The following OTOGL variants were observed in gnomAD, a reference collection of about 807,000 sequenced individuals.
The protein encoded by OTOGL is otogelin-like protein.
Under a neutral mutation model 318.5 loss-of-function variants are expected in OTOGL, and 285 were observed. The ratio of observed to expected loss-of-function variants is 0.89; its 90% CI spans 0.81 to 0.99. OTOGL has a LOEUF of 0.99. OTOGL is among the 50% of genes least tolerant of loss of function. OTOGL has a pLI of 0.00. For synonymous variants in OTOGL, 987 were observed against 936.5 expected, an observed-to-expected ratio of 1.05 and a Z score of -0.99; for missense variants, 2,899 against 2,845.6, an observed-to-expected ratio of 1.02 and a Z score of -0.43.
At position 80,233,429 on chromosome 12, in the gene OTOGL, A is replaced by G. The variant is rs141104968; in HGVS notation, c.817+332A>G. Among the ~76,000 whole-genome samples, 168 of 152,344 alleles carry G rather than the reference A, an allele frequency of 1.1e-3. 1 individual carries two copies. Among genetic ancestry groups the G allele is most frequent in the Non-Finnish European group, 1.4e-3 (95 of 68,026 alleles). On this transcript the variant is annotated intron_variant, in intron 9 of 58. Coordinates refer to ENST00000547103, the MANE Select transcript of OTOGL (RefSeq NM_001378609.3). ...TACATCAGTGAACAAAGCCTTTCAC[A>G]TCTTCAAGTTTATATTCTAGTGGTT...
At chr12:80,231,543 G>C (rs1267844229) in intron 8 of OTOGL, among the ~76,000 whole-genome samples, 1 of 152,062 alleles carries the variant, frequency 6.6e-6, no homozygotes, top group African/African-American at 2.4e-5. Flanking sequence ...CAATTTTTGA[G>C]AGAAATGTAT....
At chr12:80,348,345 C>T (rs1249116141) in intron 44 of OTOGL, among the ~76,000 whole-genome samples, 1 of 152,156 alleles carries the variant, frequency 6.6e-6, no homozygotes, top group Admixed American at 6.6e-5. Flanking sequence ...ATATGGCTAG[C>T]CAGTTTTCCC....
chr12:80,171,277 A>G (rs1874189402), intron 1 of OTOGL, among the ~76,000 whole-genome samples: 1 of 151,986 alleles, frequency 6.6e-6, no homozygotes, highest in Non-Finnish European at 1.5e-5. Flanking sequence ...ATGGAGTCTC[A>G]CTATGTTGCC....
chr12:80,319,000 A>T (rs796226075), intron 33 of OTOGL, among the ~76,000 whole-genome samples: 22 of 152,262 alleles, frequency 1.4e-4, no homozygotes, highest in African/African-American at 4.8e-4. Flanking sequence ...CACAGAACTT[A>T]ATTTGATGTT....
rs1891357135 is a variant in OTOGL, at chr12:80,379,589, A to AT, written c.*1541_*1542insT. On this transcript the variant is annotated 3_prime_UTR_variant, in exon 59 of 59. Transcript: ENST00000547103. Reference sequence around the variant, plus strand: ...GATTCCTATTAACATATAGATATATAAAATTAAATGTTTTTGGTTAAAATA... The same window carrying AT: ...GATTCCTATTAACATATAGATATATATAAATTAAATGTTTTTGGTTAAAATA... 4 of 149,878 alleles carry AT rather than the reference A, an allele frequency of 2.7e-5. No homozygotes were observed. The highest frequency in any genetic ancestry group is 3.0e-5 in the Non-Finnish European group (2 of 67,336). The allele number at this position is 149,878 out of a possible 1,614,324, so 9.3% of individuals were successfully genotyped here. A position where few individuals can be genotyped will look rare whatever the true frequency, so the allele number is the denominator to read the frequency against.
rs550239753 is a variant in OTOGL, at chr12:80,278,415, G to A, written c.2789+140G>A. ...AATAATTTAAAGGCCTGCAGGAGTT[G>A]GTGGACAGTTACTATCTGCAGGGGA... is the stretch of plus-strand genomic sequence containing the variant. On this transcript the variant is annotated intron_variant, in intron 25 of 58. Coordinates refer to ENST00000547103, the MANE Select transcript of OTOGL (RefSeq NM_001378609.3). 5 of 651,578 alleles carry A rather than the reference G, an allele frequency of 7.7e-6. No homozygotes were observed. In the South Asian group the frequency reaches 1.0e-4, roughly 14 times the overall value. 40.4% of individuals were successfully genotyped at this position (651,578 alleles called of 1,614,324 possible).
At chr12:80,296,623 A>C (rs1036090595) in intron 26 of OTOGL, among the ~76,000 whole-genome samples, 1 of 152,196 alleles carries the variant, frequency 6.6e-6, no homozygotes, top group Admixed American at 6.5e-5. Context: ...CAGATATTAT[A>C]GGTGTTTAAA....
intron 29 of OTOGL, among the ~76,000 whole-genome samples, chr12:80,308,647 A>G (rs1211891127): frequency 1.3e-5 from 2 of 152,154 alleles, no homozygotes; most frequent in African/African-American, 4.8e-5. Flanking sequence ...GCGAGCCGAG[A>G]TCAGGCCACT....
chr12:80,181,871 T>C (rs985415864), intron 1 of OTOGL, among the ~76,000 whole-genome samples: 14 of 152,138 alleles, frequency 9.2e-5, no homozygotes, highest in Non-Finnish European at 1.5e-4. Context: ...TTGAGACATA[T>C]ACTTTACATA....
chr12:80,306,811 TATTATTA>T, intron 29 of OTOGL, among the ~76,000 whole-genome samples: 1 of 149,002 alleles, frequency 6.7e-6, no homozygotes, highest in African/African-American at 2.5e-5. Flanking sequence ...TTATTATTAT[TATTATTA>T]TTTTTTAATT....
At position 80,256,471 on chromosome 12, in the gene OTOGL, G is replaced by A. The variant is rs111256101; in HGVS notation, c.1711+11G>A. On this transcript the variant is annotated intron_variant, in intron 17 of 58. Transcript: ENST00000547103. ...GCTTCAACCTGAATGGTAAGAAACA[G>A]TGCTAATGGTGTACTTTCTTTACAT... 4.5e-4 allele frequency: 703 copies of A among 1,564,716 alleles called. 6 individuals are homozygous for A. The African/African-American group carries it at 8.2e-3, about 18-fold the overall frequency.
At chr12:80,268,901 CA>C (rs5799460) in intron 22 of OTOGL, among the ~76,000 whole-genome samples, 9,019 of 77,732 alleles carry the variant, frequency 0.12, 809 homozygotes, top group African/African-American at 0.32. Context: ...GTAAACTTAG[CA>C]AAAAAAAAAA....
At chr12:80,182,036 A>G (rs1158057957) in intron 1 of OTOGL, among the ~76,000 whole-genome samples, 1 of 152,060 alleles carries the variant, frequency 6.6e-6, no homozygotes, top group African/African-American at 2.4e-5. Context: ...GTGTGGTGGC[A>G]TAGACCTGTA....
intron 1 of OTOGL, among the ~76,000 whole-genome samples, chr12:80,181,215 A>C (rs1200437896): frequency 6.6e-6 from 1 of 152,056 alleles, no homozygotes; most frequent in Non-Finnish European, 1.5e-5. Flanking sequence ...TATTTATTGT[A>C]TAAATTATTT....
At chr12:80,148,885 G>T (rs1872581928) in intron 1 of OTOGL, among the ~76,000 whole-genome samples, 1 of 152,118 alleles carries the variant, frequency 6.6e-6, no homozygotes, top group African/African-American at 2.4e-5. Context: ...TAGTTCTCGA[G>T]CCTTGGTTTT....
At chr12:80,235,756 G>A (rs1286973926) in intron 9 of OTOGL, among the ~76,000 whole-genome samples, 2 of 152,128 alleles carry the variant, frequency 1.3e-5, no homozygotes, top group East Asian at 1.9e-4. Context: ...CTGGCAGAAG[G>A]CAAGAAGGAT....
rs1049075087 is a variant in OTOGL, at chr12:80,357,607, C to A, written c.6020-641C>A. Among the ~76,000 whole-genome samples, 4 of 152,122 alleles carry A rather than the reference C, an allele frequency of 2.6e-5. No homozygotes were observed. The East Asian group carries it at 7.7e-4, about 29-fold the overall frequency. ...TAGGACCAAAATGAAGCAGAACAGT[C>A]AAGCCCTAGGAAGAAGAGAAACCAG... On this transcript the variant is annotated intron_variant, in intron 49 of 58. Transcript: ENST00000547103.
At chr12:80,233,251 A>G (rs1480131015) in intron 9 of OTOGL, among the ~76,000 whole-genome samples, 154 bp downstream of exon 9, 1 of 152,222 alleles carries the variant, frequency 6.6e-6, no homozygotes, top group Non-Finnish European at 1.5e-5. Context: ...TTGAATAGGA[A>G]AATATTTTGG....
chr12:80,209,543 T>C (rs1274331774), intron 2 of OTOGL, 33 bp downstream of exon 2: 1 of 1,356,890 alleles, frequency 7.4e-7, no homozygotes, highest in Admixed American at 2.1e-5. Flanking sequence ...TATGTTAATT[T>C]ATTGTATTTT....
Sources: allele counts gnomAD v4.1 joint callset (sites outside exome capture counted in the v4.1 genomes callset), GRCh38; gene constraint gnomAD v4.1.1; transcripts MANE v1.5; gene names NCBI Gene and HGNC (gene_info 2026-07-23, HGNC 2026-07-21).